The following CHN2 variants were observed in gnomAD, a reference collection of about 807,000 sequenced individuals.
The protein encoded by CHN2 is beta-chimaerin.
CHN2 carries 35 observed loss-of-function variants against 56.3 expected under a neutral mutation model. That is an observed-to-expected ratio of 0.62 (90% confidence interval 0.47 to 0.82). The LOEUF is 0.82. CHN2 is among the 40% of genes least tolerant of loss of function. CHN2 has a pLI of 0.00. For missense variants in CHN2, 491 were observed against 580.5 expected (o/e 0.85, Z 1.58); for synonymous variants, 210 against 212.8 (o/e 0.99, Z 0.12).
At chr7:29,442,930 A>ATTTTTTTTTTTTTTTTTTTTTTT (rs1238691449) in intron 6 of CHN2, among the ~76,000 whole-genome samples, 2 of 102,178 alleles carry the variant, frequency 2.0e-5, no homozygotes, top group South Asian at 3.0e-4. Context: ...ATTTCATTGA[A>ATTTTTTTTTTTTTTTTTTTTTTT]TTTCTTTTTT....
intron 3 of CHN2, among the ~76,000 whole-genome samples, chr7:29,385,328 T>C (rs1456383435): frequency 6.6e-6 from 1 of 152,206 alleles, no homozygotes; most frequent in Non-Finnish European, 1.5e-5. Context: ...CAATTCAAAG[T>C]TCTTCCAGTC....
chr7:29,343,657 T>C (rs1413246477), intron 1 of CHN2, among the ~76,000 whole-genome samples: 2 of 152,100 alleles, frequency 1.3e-5, no homozygotes, highest in Non-Finnish European at 1.5e-5. Flanking sequence ...TGTCGCCCCA[T>C]CTTGGGGTTT....
chr7:29,180,909 G>A (rs1034768221), intron 2 of CHN2, among the ~76,000 whole-genome samples: 9 of 152,182 alleles, frequency 5.9e-5, no homozygotes, highest in South Asian at 4.1e-4. Context: ...AAAAGAGTAC[G>A]TAAGATCATA....
At chr7:29,395,943 G>A (rs1489611443) in intron 4 of CHN2, among the ~76,000 whole-genome samples, 1 of 152,084 alleles carries the variant, frequency 6.6e-6, no homozygotes, top group Non-Finnish European at 1.5e-5. Context: ...AGCTAAGAGA[G>A]GCTTTCGAAT....
At chr7:29,322,485 C>T (rs145319340) in intron 1 of CHN2, among the ~76,000 whole-genome samples, 39 of 152,350 alleles carry the variant, frequency 2.6e-4, no homozygotes, top group African/African-American at 9.4e-4. Context: ...TCCTCCTCCT[C>T]TTCCTACTCC....
chr7:29,201,512 G>A (rs1420707950), intron 1 of CHN2, among the ~76,000 whole-genome samples: 1 of 151,970 alleles, frequency 6.6e-6, no homozygotes. Flanking sequence ...TTTTAAATGG[G>A]CCTCAGATCT....
intron 1 of CHN2, among the ~76,000 whole-genome samples, chr7:29,252,601 T>TTTTC (rs1788709664): frequency 2.2e-5 from 1 of 45,318 alleles, no homozygotes; most frequent in Non-Finnish European, 3.6e-5. Flanking sequence ...TTTTTTTTTT[T>TTTTC]TTTTTGAGAC....
chr7:29,196,332 G>C (rs914444159), intron 1 of CHN2, among the ~76,000 whole-genome samples: 11 of 152,196 alleles, frequency 7.2e-5, no homozygotes, highest in African/African-American at 2.4e-4. Flanking sequence ...TTGAAAACAC[G>C]TTGTTGTTAG....
chr7:29,188,554 A>T (rs1204664834), intron 2 of CHN2, among the ~76,000 whole-genome samples: 1 of 151,750 alleles, frequency 6.6e-6, no homozygotes, highest in Non-Finnish European at 1.5e-5. Flanking sequence ...AAAAAAGAGG[A>T]TTTCTGTTTT....
At chr7:29,489,616 C>G (rs573538219) in intron 7 of CHN2, among the ~76,000 whole-genome samples, 1 of 152,248 alleles carries the variant, frequency 6.6e-6, no homozygotes, top group East Asian at 1.9e-4. Flanking sequence ...GGCCCATCAC[C>G]AAAAAGGAAA....
intron 6 of CHN2, among the ~76,000 whole-genome samples, chr7:29,420,059 C>CAAA (rs398004204): frequency 1.0e-4 from 12 of 120,300 alleles, no homozygotes; most frequent in African/African-American, 3.9e-4. Flanking sequence ...GACTCCATCT[C>CAAA]AAAAAAAAAA....
intron 6 of CHN2, among the ~76,000 whole-genome samples, chr7:29,427,719 C>T (rs765929475): frequency 1.4e-5 from 2 of 144,096 alleles, no homozygotes; most frequent in African/African-American, 2.6e-5. Context: ...TGCAGTGGCG[C>T]GATCTTGTCT....
chr7:29,479,895 A>G, intron 6 of CHN2: 2 of 1,415,352 alleles, frequency 1.4e-6, no homozygotes, highest in Non-Finnish European at 1.8e-6. Context: ...CGTCGGCCTT[A>G]AGAAATAGCA....
At chr7:29,422,220 CT>C (rs967550798) in intron 6 of CHN2, among the ~76,000 whole-genome samples, 1 of 152,028 alleles carries the variant, frequency 6.6e-6, no homozygotes, top group African/African-American at 2.4e-5. Context: ...TATAATGGAT[CT>C]TTTTTAAAAG....
intron 2 of CHN2, among the ~76,000 whole-genome samples, chr7:29,162,125 G>C (rs1218085001): frequency 6.6e-6 from 1 of 152,180 alleles, no homozygotes; most frequent in Non-Finnish European, 1.5e-5. Flanking sequence ...TTCTTAAAAA[G>C]TTAAACACAC....
At chr7:29,292,203 C>G (rs1001387373) in intron 1 of CHN2, among the ~76,000 whole-genome samples, 3 of 152,098 alleles carry the variant, frequency 2.0e-5, no homozygotes, top group Non-Finnish European at 4.4e-5. Flanking sequence ...CTGTGTTGAA[C>G]AGAGATGCAT....
intron 12 of CHN2, among the ~76,000 whole-genome samples, chr7:29,511,921 T>G (rs1344864956): frequency 3.3e-5 from 5 of 152,182 alleles, no homozygotes; most frequent in Non-Finnish European, 7.3e-5. Flanking sequence ...AGTTCTTACC[T>G]GGATGTCGAA....
intron 6 of CHN2, among the ~76,000 whole-genome samples, chr7:29,466,562 C>G (rs1361128733): frequency 6.6e-6 from 1 of 152,128 alleles, no homozygotes; most frequent in Non-Finnish European, 1.5e-5. Context: ...TCATTTCTAT[C>G]AATAGAGGCC....
At chr7:29,280,567 T>C (rs1202071336) in intron 1 of CHN2, among the ~76,000 whole-genome samples, 2 of 151,970 alleles carry the variant, frequency 1.3e-5, no homozygotes, top group African/African-American at 4.8e-5. Context: ...GAGAGAGGAT[T>C]ACAGGTAAAC....
Sources: allele counts gnomAD v4.1 joint callset (sites outside exome capture counted in the v4.1 genomes callset), GRCh38; gene constraint gnomAD v4.1.1; transcripts MANE v1.5; gene names NCBI Gene and HGNC (gene_info 2026-07-23, HGNC 2026-07-21).